The following HTR2C variants were observed in gnomAD, a reference collection of about 807,000 sequenced individuals.
HTR2C encodes the protein 5-hydroxytryptamine receptor 2C, also known as 5-hydroxytryptamine (serotonin) receptor 2C, G protein-coupled.
A neutral mutation model predicts 21.0 loss-of-function variants in HTR2C; 5 were observed. That is an observed-to-expected ratio of 0.24 (90% CI 0.12 to 0.50). HTR2C has a LOEUF of 0.50. HTR2C is among the 20% of genes least tolerant of loss of function. The pLI is 0.98. For synonymous variants in HTR2C, 150 were observed against 145.3 expected, an observed-to-expected ratio of 1.03 and a Z score of -0.23; for missense variants, 271 against 371.2, an observed-to-expected ratio of 0.73 and a Z score of 2.22.
At chrX:114,638,579 G>C (rs1309762970) in intron 2 of HTR2C, among the ~76,000 whole-genome samples, 1 of 105,521 alleles carries the variant, frequency 9.5e-6, no homozygotes, top group Non-Finnish European at 1.9e-5. Flanking sequence ...CATTGTGCAG[G>C]TTAGTTACAT....
chrX:114,759,458 A>G (rs1569491623), intron 4 of HTR2C, among the ~76,000 whole-genome samples: 1 of 111,930 alleles, frequency 8.9e-6, no homozygotes, highest in Non-Finnish European at 1.9e-5. Context: ...ATTTAAAATT[A>G]AAACACGAGT....
At chrX:114,807,924 G>A (rs368107274) in intron 4 of HTR2C, among the ~76,000 whole-genome samples, 98 of 111,243 alleles carry the variant, frequency 8.8e-4, no homozygotes, top group African/African-American at 2.8e-3. Flanking sequence ...ACCCGCCTCG[G>A]CCTCCCAAAG....
intron 1 of HTR2C, among the ~76,000 whole-genome samples, chrX:114,590,608 T>A (rs1219851730): frequency 8.9e-6 from 1 of 112,000 alleles, no homozygotes; most frequent in Non-Finnish European, 1.9e-5. Context: ...AAAATAGAAT[T>A]TTTAGCACAT....
chrX:114,640,022 A>G (rs189396811), intron 2 of HTR2C, among the ~76,000 whole-genome samples: 1 of 111,962 alleles, frequency 8.9e-6, no homozygotes, highest in East Asian at 2.8e-4. Context: ...GTGCTATACT[A>G]TAATAGTGAA....
At chrX:114,868,648 A>T (rs1211852139) in intron 5 of HTR2C, among the ~76,000 whole-genome samples, 1 of 111,953 alleles carries the variant, frequency 8.9e-6, no homozygotes, top group Non-Finnish European at 1.9e-5. Flanking sequence ...ATATGCCTTT[A>T]TCTACTGGTG....
intron 2 of HTR2C, among the ~76,000 whole-genome samples, chrX:114,665,338 C>T (rs1426205267): frequency 3.6e-5 from 4 of 111,843 alleles, no homozygotes; most frequent in Non-Finnish European, 7.5e-5. Context: ...GTTCGATCTG[C>T]TCTTTAGGGC....
chrX:114,784,139 G>GAA (rs782206746), intron 4 of HTR2C, among the ~76,000 whole-genome samples: 3 of 70,760 alleles, frequency 4.2e-5, no homozygotes, highest in East Asian at 4.7e-4. Context: ...TTGGTTCTCT[G>GAA]AAAAAAAAAA....
chrX:114,877,049 A>G (rs1271390654), intron 5 of HTR2C, among the ~76,000 whole-genome samples: 1 of 111,354 alleles, frequency 9.0e-6, no homozygotes, highest in Non-Finnish European at 1.9e-5. Context: ...TGTTTGGCAG[A>G]ACTCACCAGT....
At position 114,848,159 on chromosome X, in the gene HTR2C, C is replaced by A; in HGVS notation, c.506C>A (p.Thr169Asn). 1 of 1,210,957 alleles carries A rather than the reference C, an allele frequency of 8.3e-7. No individual in the cohort carries two copies. The highest frequency in any genetic ancestry group is 1.1e-6 in the Non-Finnish European group (1 of 894,891). ...GAGCATAGCCGTTTCAATTCGCGGA[C>A]TAAGGCCATCATGAAGATTGCTATT... Reference protein sequence around the residue: ...PIEHSRFNSRTKAIMKIAIVW... With the variant: ...PIEHSRFNSRNKAIMKIAIVW... The change falls in exon 5 of 6, where the codon ACT (threonine) becomes AAT (asparagine). Residue 169 changes from threonine to asparagine, a missense_variant. Thr to Asn is a moderately conservative substitution (Grantham distance 65). Around this residue, in one of 5 missense-constraint regions of HTR2C, gnomAD observed 192 missense variants for 247.2 expected, o/e 0.78. Transcript: ENST00000276198.
intron 5 of HTR2C, among the ~76,000 whole-genome samples, chrX:114,850,401 T>G (rs1186562572): frequency 9.0e-6 from 1 of 111,028 alleles, no homozygotes; most frequent in Non-Finnish European, 1.9e-5. Context: ...AGAGTGAGAC[T>G]CTGTCACACA....
At chrX:114,731,177 CTGA>C (rs1290337766) in intron 3 of HTR2C, 114 bp from the exon 4 acceptor site, 3 of 478,631 alleles carry the variant, frequency 6.3e-6, no homozygotes, top group South Asian at 3.6e-5. Context: ...GACAATGATG[CTGA>C]TGATGATAAT....
chrX:114,664,913 A>C (rs1931120762), intron 2 of HTR2C, among the ~76,000 whole-genome samples: 1 of 112,407 alleles, frequency 8.9e-6, no homozygotes, highest in Admixed American at 9.5e-5. Context: ...AAAATTACTC[A>C]GTTTCATACT....
chrX:114,639,677 C>A (rs1930014102), intron 2 of HTR2C, among the ~76,000 whole-genome samples: 1 of 111,845 alleles, frequency 8.9e-6, no homozygotes, highest in Non-Finnish European at 1.9e-5. Flanking sequence ...TTTTCTCAGG[C>A]CATTTCTTCT....
intron 2 of HTR2C, among the ~76,000 whole-genome samples, chrX:114,622,783 GAAT>G (rs1181740318): frequency 8.9e-6 from 1 of 111,909 alleles, no homozygotes; most frequent in Admixed American, 9.6e-5. Flanking sequence ...AGCAAAGGGA[GAAT>G]TTCCGCTTTT....
intron 2 of HTR2C, among the ~76,000 whole-genome samples, chrX:114,633,945 T>TAC (rs1216290509): frequency 3.9e-5 from 1 of 25,874 alleles, no homozygotes; most frequent in Admixed American, 7.4e-4. Flanking sequence ...TATATATATA[T>TAC]ATAGAGAGAG....
At chrX:114,798,029 C>T (rs2070310745) in intron 4 of HTR2C, among the ~76,000 whole-genome samples, 2 of 104,310 alleles carry the variant, frequency 1.9e-5, no homozygotes, top group African/African-American at 6.8e-5. Flanking sequence ...AAATATAAAT[C>T]TTGCTGTAGA....
chrX:114,667,830 CAT>C (rs1396325537), intron 2 of HTR2C, among the ~76,000 whole-genome samples: 1 of 111,917 alleles, frequency 8.9e-6, no homozygotes, highest in Non-Finnish European at 1.9e-5. Flanking sequence ...GAGCCAGAAA[CAT>C]GACCTTTACT....
chrX:114,795,303 A>G (rs1366088419), intron 4 of HTR2C, among the ~76,000 whole-genome samples: 1 of 110,664 alleles, frequency 9.0e-6, no homozygotes, highest in African/African-American at 3.3e-5. Flanking sequence ...ATTTTCTCCC[A>G]TTCTGTAGGT....
intron 5 of HTR2C, among the ~76,000 whole-genome samples, chrX:114,887,724 T>C (rs1211649699): frequency 9.0e-6 from 1 of 111,297 alleles, no homozygotes; most frequent in African/African-American, 3.3e-5. Context: ...TTGTTTCTGA[T>C]TAAAAGCCAG....
Sources: gnomAD v4.1 joint callset for allele counts (sites outside exome capture counted in the v4.1 genomes callset) on GRCh38, gnomAD v4.1.1 for gene constraint, gnomAD v4.1.1 regional missense constraint, MANE v1.5 for transcripts, NCBI Gene and HGNC (gene_info 2026-07-23, HGNC 2026-07-21) for gene names.